ARL15: variants seen among roughly 807,000 people sequenced by gnomAD.
ARL15 encodes ARF like GTPase 15, also known as ADP-ribosylation factor-like protein 15.
A neutral mutation model predicts 25.2 loss-of-function variants in ARL15; 19 were observed. The observed-to-expected ratio is 0.75, with a 90% CI of 0.53 to 1.10. ARL15 has a LOEUF of 1.10. ARL15 is among the 50% of genes least tolerant of loss of function. ARL15 has a pLI of 0.00. For synonymous variants in ARL15, 94 were observed against 86.8 expected (o/e 1.08, Z -0.46); for missense variants, 220 against 246.0 (o/e 0.89, Z 0.71).
chr5:54,110,907 A>G (rs1242264921), intron 4 of ARL15, among the ~76,000 whole-genome samples: 1 of 152,066 alleles, frequency 6.6e-6, no homozygotes, highest in Non-Finnish European at 1.5e-5. Flanking sequence ...CATTCCTGAG[A>G]GCATTTCAAC....
chr5:54,224,143 G>A (rs559352107), intron 1 of ARL15, among the ~76,000 whole-genome samples: 7 of 152,290 alleles, frequency 4.6e-5, no homozygotes, highest in South Asian at 2.1e-4. Flanking sequence ...GAGGAGCGAA[G>A]GCAATCACAA....
chr5:53,887,251 T>C (rs374548739), intron 4 of ARL15: 9 of 616,794 alleles, frequency 1.5e-5, no homozygotes, highest in Middle Eastern at 4.2e-4. Flanking sequence ...TTCTGAGACA[T>C]GAGAGCGTGT....
rs1744495286 is a variant in ARL15 at position 53,885,500 on chromosome 5, G to A, written c.*1061C>T. On this transcript the variant is annotated 3_prime_UTR_variant, in exon 5 of 5. Transcript: ENST00000504924. Reference sequence around the variant, plus strand: ...GGGCACATTGAAACCCCTGAAAATAGAGGTTTATAATAGAAATACTGATAA... The same window carrying A: ...GGGCACATTGAAACCCCTGAAAATAAAGGTTTATAATAGAAATACTGATAA... 6.6e-6 allele frequency: 1 copy of A among 152,520 alleles called. No individual in the cohort carries two copies. Among genetic ancestry groups the A allele is most frequent in the South Asian group, 2.1e-4 (1 of 4,818 alleles). 9.4% of individuals were successfully genotyped at this position (152,520 alleles called of 1,614,324 possible).
At chr5:54,275,602 C>T (rs1281074807) in intron 1 of ARL15, among the ~76,000 whole-genome samples, 1 of 152,170 alleles carries the variant, frequency 6.6e-6, no homozygotes, top group Non-Finnish European at 1.5e-5. Context: ...CTAGAAAGAG[C>T]CTGAGCGCCT....
At chr5:54,226,094 T>A (rs1756509166) in intron 1 of ARL15, among the ~76,000 whole-genome samples, 1 of 150,726 alleles carries the variant, frequency 6.6e-6, no homozygotes, top group African/African-American at 2.4e-5. Flanking sequence ...ACGGGGGGAG[T>A]GGGAAGGCAG....
intron 4 of ARL15, among the ~76,000 whole-genome samples, chr5:54,026,713 A>G (rs1216535871): frequency 7.2e-5 from 11 of 152,222 alleles, no homozygotes; most frequent in Non-Finnish European, 1.6e-4. Flanking sequence ...GAGGCCTACC[A>G]TCATCACAAA....
At chr5:54,026,083 C>A (rs1255294754) in intron 4 of ARL15, among the ~76,000 whole-genome samples, 1 of 152,052 alleles carries the variant, frequency 6.6e-6, no homozygotes, top group African/African-American at 2.4e-5. Context: ...AAATCATTTC[C>A]TTATAGTTTT....
rs188584756 is a variant in ARL15 at position 53,928,351 on chromosome 5, G to A, written c.463-41638C>T. On this transcript the variant is annotated intron_variant, in intron 4 of 4. Transcript: ENST00000504924. Reference sequence around the variant, plus strand: ...ATTTTGGTAGAAAATCAGTGTCACCGTCCTAGCCATGATCTTTCTAAAAGG... The same window carrying A: ...ATTTTGGTAGAAAATCAGTGTCACCATCCTAGCCATGATCTTTCTAAAAGG... Among the ~76,000 whole-genome samples, 680 of 152,264 alleles carry A rather than the reference G, an allele frequency of 4.5e-3. 7 individuals are homozygous for A. The highest frequency in any genetic ancestry group is 0.016 in the African/African-American group (656 of 41,560).
chr5:54,102,272 A>T (rs1294051572), intron 4 of ARL15, among the ~76,000 whole-genome samples: 1 of 152,098 alleles, frequency 6.6e-6, no homozygotes, highest in Non-Finnish European at 1.5e-5. Flanking sequence ...TTGGCCTCCT[A>T]AACTGCTGGC....
chr5:53,938,845 A>AAAAT (rs59045933), intron 4 of ARL15, among the ~76,000 whole-genome samples: 8,678 of 152,262 alleles, frequency 0.057, 284 homozygotes, highest in Middle Eastern at 0.086. Context: ...CTCTGTCTCA[A>AAAAT]AAATAAATAA....
chr5:54,241,927 T>C (rs1443281767), intron 1 of ARL15, among the ~76,000 whole-genome samples: 4 of 152,210 alleles, frequency 2.6e-5, no homozygotes, highest in Non-Finnish European at 5.9e-5. Flanking sequence ...TCTTAATATC[T>C]AAGTCATAAA....
chr5:54,116,310 C>T (rs1316204407), intron 3 of ARL15, among the ~76,000 whole-genome samples: 1 of 152,012 alleles, frequency 6.6e-6, no homozygotes, highest in Admixed American at 6.6e-5. Flanking sequence ...ATGCACTGGC[C>T]CAGGAAAGGA....
intron 1 of ARL15, among the ~76,000 whole-genome samples, chr5:54,279,222 T>G (rs928390695): frequency 6.6e-6 from 1 of 151,302 alleles, no homozygotes. Context: ...TTGTTTTTTT[T>G]TTTCTGGTTT....
intron 1 of ARL15, among the ~76,000 whole-genome samples, chr5:54,234,755 G>A (rs545746453): frequency 6.6e-6 from 1 of 152,248 alleles, no homozygotes; most frequent in South Asian, 2.1e-4. Flanking sequence ...CCCTCTAGTG[G>A]ACTTGTAAGC....
intron 1 of ARL15, among the ~76,000 whole-genome samples, chr5:54,257,784 A>C (rs938618923): frequency 6.6e-6 from 1 of 152,164 alleles, no homozygotes; most frequent in Non-Finnish European, 1.5e-5. Context: ...CACACAAAGA[A>C]AGTGCTGGAG....
chr5:54,064,254 T>C (rs1166105769), intron 4 of ARL15, among the ~76,000 whole-genome samples: 4 of 152,164 alleles, frequency 2.6e-5, no homozygotes, highest in African/African-American at 9.7e-5. Flanking sequence ...ATACAGATGA[T>C]GAGATTCTCT....
intron 4 of ARL15, among the ~76,000 whole-genome samples, chr5:53,887,161 T>C (rs1668395859): frequency 6.6e-6 from 1 of 152,214 alleles, no homozygotes; most frequent in Admixed American, 6.5e-5. Flanking sequence ...TCAATTATTT[T>C]GACCATCAAG....
At chr5:54,166,292 T>C (rs1436478091) in intron 2 of ARL15, among the ~76,000 whole-genome samples, 2 of 152,024 alleles carry the variant, frequency 1.3e-5, no homozygotes, top group African/African-American at 4.8e-5. Context: ...ACTCCTGGGA[T>C]CAAGCAATCC....
intron 1 of ARL15, among the ~76,000 whole-genome samples, chr5:54,222,200 A>C (rs768929546): frequency 6.6e-6 from 1 of 152,252 alleles, no homozygotes; most frequent in Non-Finnish European, 1.5e-5. Flanking sequence ...ATTTAAACTT[A>C]AAGAATATAT....
Sources: gnomAD v4.1 joint callset for allele counts (sites outside exome capture counted in the v4.1 genomes callset) on GRCh38, gnomAD v4.1.1 for gene constraint, MANE v1.5 for transcripts, NCBI Gene and HGNC (gene_info 2026-07-23, HGNC 2026-07-21) for gene names.